Variants in SGCG observed in about 807,000 individuals in gnomAD.
SGCG encodes the protein sarcoglycan gamma, also known as gamma-sarcoglycan.
Under a neutral mutation model 29.3 loss-of-function variants are expected in SGCG, and 26 were observed. The observed-to-expected ratio is 0.89, with a 90% CI of 0.65 to 1.23. The LOEUF is 1.23. Ranked by LOEUF, SGCG falls within the 50% of genes most tolerant of loss-of-function variation. SGCG has a pLI of 0.00. For synonymous variants in SGCG, 145 were observed against 129.7 expected (o/e 1.12, Z -0.80); for missense variants, 353 against 356.0 (o/e 0.99, Z 0.07).
chr13:23,269,880 T>TG (rs1555242101), intron 4 of SGCG, among the ~76,000 whole-genome samples: 4 of 105,960 alleles, frequency 3.8e-5, no homozygotes, highest in Admixed American at 1.8e-4. Context: ...TTTTGTTTTT[T>TG]TTGTTTTTTT....
chr13:23,281,423 G>T (rs919954488), intron 5 of SGCG, among the ~76,000 whole-genome samples: 2 of 152,020 alleles, frequency 1.3e-5, no homozygotes, highest in African/African-American at 4.8e-5. Flanking sequence ...GATTCAGCAG[G>T]TCTGAAATGT....
chr13:23,292,119 C>CTTTCTTTTTTTTTTT (rs766790049), intron 5 of SGCG, among the ~76,000 whole-genome samples: 1 of 147,464 alleles, frequency 6.8e-6, no homozygotes, highest in African/African-American at 2.6e-5. Context: ...ACATTTCTTT[C>CTTTCTTTTTTTTTTT]TTTTTTTTGA....
At chr13:23,222,455 A>G (rs1006212676) in intron 2 of SGCG, among the ~76,000 whole-genome samples, 1 of 152,172 alleles carries the variant, frequency 6.6e-6, no homozygotes, top group African/African-American at 2.4e-5. Flanking sequence ...ATTATGATTC[A>G]TTTATTTCCA....
At chr13:23,236,328 A>G (rs4539431) in intron 3 of SGCG, among the ~76,000 whole-genome samples, 101,073 of 152,030 alleles carry the variant, frequency 0.66, 34,007 homozygotes, top group East Asian at 0.91. Flanking sequence ...AGAATGGTCC[A>G]GTGACTGAAA....
intron 2 of SGCG, among the ~76,000 whole-genome samples, chr13:23,231,473 C>T (rs779257139): frequency 3.3e-5 from 5 of 151,998 alleles, no homozygotes; most frequent in Admixed American, 6.6e-5. Flanking sequence ...CTAGGATTAA[C>T]ATTAGGGTTT....
chr13:23,324,181 C>T (rs1486810972), intron 7 of SGCG, among the ~76,000 whole-genome samples, 187 bp from the exon 8 acceptor site: 5 of 152,178 alleles, frequency 3.3e-5, no homozygotes, highest in Non-Finnish European at 5.9e-5. Flanking sequence ...AAGTCCCAGC[C>T]TGCATGTAAA....
At chr13:23,289,877 G>C (rs1439360777) in intron 5 of SGCG, among the ~76,000 whole-genome samples, 1 of 152,158 alleles carries the variant, frequency 6.6e-6, no homozygotes. Context: ...TACATCTTAA[G>C]ATCAATCCAA....
chr13:23,292,127 TGAGATAGAGTCTTAC>T (rs1555244926), intron 5 of SGCG, among the ~76,000 whole-genome samples: 10 of 151,956 alleles, frequency 6.6e-5, no homozygotes, highest in Non-Finnish European at 1.2e-4. Context: ...TTCTTTTTTT[TGAGATAGAGTCTTAC>T]TTTGTTGTCC....
At position 23,238,444 on chromosome 13, in the gene SGCG, T is replaced by C. The variant is rs377374323; in HGVS notation, c.297+3732T>C. On this transcript the variant is annotated intron_variant, in intron 3 of 7. Transcript: ENST00000218867. ...CACTCTAAGGGAGCAGAAGGAACAA[T>C]GCCTGGAGCTCACACAGGGTGGGGA... 2.6e-4 allele frequency among the ~76,000 whole-genome samples: 39 copies of C among 152,278 alleles called. No individual in the cohort carries two copies. In the East Asian group the frequency reaches 4.8e-3, roughly 19 times the overall value.
chr13:23,249,597 A>G (rs1251191179), intron 3 of SGCG, among the ~76,000 whole-genome samples: 2 of 152,222 alleles, frequency 1.3e-5, no homozygotes, highest in Non-Finnish European at 2.9e-5. Flanking sequence ...TAAAAGCAAC[A>G]GAAGGAAAAA....
At chr13:23,170,405 G>A in the SGCG span, 1 of 152,216 alleles carries the variant, frequency 6.6e-6, no homozygotes, top group Non-Finnish European at 1.5e-5. Context: ...GATGTAAGAT[G>A]TTTGCTGGAG....
intron 2 of SGCG, among the ~76,000 whole-genome samples, 147 bp from the exon 3 acceptor site, chr13:23,234,458 ATTAAAG>A (rs1471346476): frequency 7.0e-6 from 1 of 143,474 alleles, no homozygotes; most frequent in African/African-American, 2.6e-5. Context: ...TGAATATTCA[ATTAAAG>A]ATGCAAAGTT....
intron 3 of SGCG, among the ~76,000 whole-genome samples, chr13:23,240,308 G>A (rs1024785863): frequency 2.6e-5 from 4 of 152,106 alleles, no homozygotes; most frequent in Admixed American, 2.6e-4. Flanking sequence ...CACTATCAGA[G>A]CATCAATATA....
chr13:23,213,229 CTT>C (rs1878299313), intron 2 of SGCG, among the ~76,000 whole-genome samples: 1 of 152,150 alleles, frequency 6.6e-6, no homozygotes, highest in Non-Finnish European at 1.5e-5. Flanking sequence ...AATACCAGCT[CTT>C]TGGGAGGACA....
chr13:23,318,270 C>T (rs1882909090), intron 6 of SGCG, among the ~76,000 whole-genome samples: 1 of 151,450 alleles, frequency 6.6e-6, no homozygotes, highest in African/African-American at 2.4e-5. Flanking sequence ...CTGACTAATA[C>T]ACCAATCAAC....
intron 3 of SGCG, among the ~76,000 whole-genome samples, chr13:23,247,441 C>A (rs1350914334): frequency 6.6e-6 from 1 of 151,950 alleles, no homozygotes; most frequent in Non-Finnish European, 1.5e-5. Context: ...TTTTTCTTCC[C>A]AGCAAAAATG....
At chr13:23,274,568 G>T (rs1880998454) in intron 4 of SGCG, among the ~76,000 whole-genome samples, 1 of 151,786 alleles carries the variant, frequency 6.6e-6, no homozygotes, top group African/African-American at 2.4e-5. Context: ...GACTACAGGA[G>T]CCCACCACCA....
intron 5 of SGCG, among the ~76,000 whole-genome samples, chr13:23,294,803 G>A (rs977221740): frequency 3.3e-5 from 5 of 152,118 alleles, no homozygotes; most frequent in African/African-American, 1.2e-4. Flanking sequence ...TACCTGCGTT[G>A]CAGGGGTCTG....
chr13:23,323,554 G>A (rs1313430858), intron 7 of SGCG, among the ~76,000 whole-genome samples: 1 of 152,224 alleles, frequency 6.6e-6, no homozygotes, highest in African/African-American at 2.4e-5. Context: ...GGCAACGTTT[G>A]GCTGCTGGAT....
Sources: gnomAD v4.1 joint callset for allele counts (sites outside exome capture counted in the v4.1 genomes callset) on GRCh38, gnomAD v4.1.1 for gene constraint, MANE v1.5 for transcripts, NCBI Gene and HGNC (gene_info 2026-07-23, HGNC 2026-07-21) for gene names.